The following EPHA6 variants were observed in gnomAD, a reference collection of about 807,000 sequenced individuals.
EPHA6 encodes EPH receptor A6.
EPHA6 carries 50 observed loss-of-function variants against 112.0 expected under a neutral mutation model. That is an observed-to-expected ratio of 0.45 (90% CI 0.36 to 0.56). The LOEUF is 0.56. EPHA6 is among the 20% of genes least tolerant of loss of function. The pLI, the probability that EPHA6 is intolerant of heterozygous loss-of-function variation, is 0.00. For missense variants in EPHA6, 1,280 were observed against 1,417.4 expected (o/e 0.90, Z 1.56); for synonymous variants, 529 against 490.7 (o/e 1.08, Z -1.03).
At chr3:97,587,384 G>GTTC (rs763946873) in intron 11 of EPHA6, among the ~76,000 whole-genome samples, 1 of 151,922 alleles carries the variant, frequency 6.6e-6, no homozygotes, top group Non-Finnish European at 1.5e-5. Flanking sequence ...TCATATATAT[G>GTTC]TTCTGCCTTA....
chr3:97,713,241 A>G (rs2034059460), intron 14 of EPHA6, among the ~76,000 whole-genome samples: 1 of 152,266 alleles, frequency 6.6e-6, no homozygotes, highest in African/African-American at 2.4e-5. Context: ...AGGAAACAAA[A>G]TAAAAATAAC....
chr3:97,413,796 A>G (rs894525462), intron 6 of EPHA6, among the ~76,000 whole-genome samples: 9 of 152,014 alleles, frequency 5.9e-5, no homozygotes, highest in Non-Finnish European at 1.3e-4. Context: ...GAAGGACTAA[A>G]TACCTAAATA....
intron 15 of EPHA6, among the ~76,000 whole-genome samples, chr3:97,722,388 C>T (rs529548408): frequency 3.3e-5 from 5 of 152,150 alleles, no homozygotes; most frequent in Non-Finnish European, 5.9e-5. Flanking sequence ...AGGCCAATCC[C>T]TTTATTGGTC....
chr3:97,530,419 C>A (rs2092682485), intron 10 of EPHA6, among the ~76,000 whole-genome samples: 2 of 151,838 alleles, frequency 1.3e-5, no homozygotes, highest in African/African-American at 2.4e-5. Flanking sequence ...TGATAATCAC[C>A]CCTCAGAGCC....
chr3:97,596,081 A>G (rs2093587928), intron 12 of EPHA6, among the ~76,000 whole-genome samples: 1 of 151,168 alleles, frequency 6.6e-6, no homozygotes, highest in Non-Finnish European at 1.5e-5. Context: ...AATTTTTTGT[A>G]TTTTTAGTAG....
At chr3:97,388,318 T>A (rs985015694) in intron 5 of EPHA6, among the ~76,000 whole-genome samples, 4 of 152,148 alleles carry the variant, frequency 2.6e-5, no homozygotes, top group Admixed American at 6.6e-5. Context: ...CTTTTTTTTT[T>A]AATCTTCTTA....
intron 14 of EPHA6, among the ~76,000 whole-genome samples, chr3:97,648,884 G>A (rs1332507218): frequency 6.6e-6 from 1 of 152,102 alleles, no homozygotes; most frequent in Non-Finnish European, 1.5e-5. Flanking sequence ...TGCTGGTGGA[G>A]CTGACACTGT....
chr3:97,747,521 T>C lies in EPHA6; in HGVS notation c.3227T>C (p.Phe1076Ser). 6.2e-7 allele frequency: 1 copy of C among 1,610,952 alleles called. No individual in the cohort carries two copies. Among genetic ancestry groups the C allele is most frequent in the Non-Finnish European group, 8.5e-7 (1 of 1,178,288 alleles). Residue 1076 changes from phenylalanine (F) to serine (S), a missense_variant, in exon 17 of 18, where the codon TTC becomes TCC. Coordinates refer to ENST00000389672, the MANE Select transcript of EPHA6 (RefSeq NM_001080448.3). ...SIKMGQYKNNFVAAGFTTFDL... is the reference protein window; with the variant it reads ...SIKMGQYKNNSVAAGFTTFDL... Reference sequence around the variant, plus strand: ...AAGATGGGGCAATACAAGAATAACTTCGTGGCAGCAGGGTTTACAACATTT... The same window carrying C: ...AAGATGGGGCAATACAAGAATAACTCCGTGGCAGCAGGGTTTACAACATTT...
At chr3:97,152,502 T>G (rs2076194211) in intron 3 of EPHA6, among the ~76,000 whole-genome samples, 1 of 151,312 alleles carries the variant, frequency 6.6e-6, no homozygotes. Context: ...ATTACAGAAC[T>G]AACACTGAAA....
chr3:97,173,004 T>G (rs374477063), intron 3 of EPHA6, among the ~76,000 whole-genome samples: 1 of 151,880 alleles, frequency 6.6e-6, no homozygotes, highest in African/African-American at 2.4e-5. Context: ...TAGATTTCCA[T>G]GGGATGTGAT....
At chr3:97,410,959 C>T (rs1435117524) in intron 6 of EPHA6, among the ~76,000 whole-genome samples, 1 of 151,812 alleles carries the variant, frequency 6.6e-6, no homozygotes, top group Non-Finnish European at 1.5e-5. Flanking sequence ...TACATGACAT[C>T]AGAACTACAA....
At chr3:97,060,900 G>C (rs1400143151) in intron 3 of EPHA6, among the ~76,000 whole-genome samples, 1 of 138,558 alleles carries the variant, frequency 7.2e-6, no homozygotes, top group African/African-American at 2.8e-5. Context: ...TTCCAGCCTG[G>C]GCGACAGAGC....
intron 6 of EPHA6, among the ~76,000 whole-genome samples, chr3:97,424,805 T>TAAA (rs2088973571): frequency 1.1e-5 from 1 of 93,290 alleles, no homozygotes; most frequent in African/African-American, 4.9e-5. Flanking sequence ...AAACTCTGTC[T>TAAA]CAAAAAAAAA....
chr3:96,987,714 T>C lies in EPHA6; in HGVS notation c.835T>C (p.Tyr279His), dbSNP rs2043073389. 6 of 1,608,804 alleles carry C rather than the reference T, an allele frequency of 3.7e-6. No individual in the cohort carries two copies. Among genetic ancestry groups the C allele is most frequent in the Non-Finnish European group, 5.1e-6 (6 of 1,176,644 alleles). Residue 279 changes from tyrosine to histidine, a missense_variant, in exon 3 of 18, where the codon TAT becomes CAT. Tyr to His is a moderately conservative substitution (Grantham distance 83). Coordinates refer to ENST00000389672, the MANE Select transcript of EPHA6 (RefSeq NM_001080448.3). ...EVGPIERKGFYLAFQDIGACI... is the reference protein window; with the variant it reads ...EVGPIERKGFHLAFQDIGACI... Reference sequence around the variant, plus strand: ...GGGGCCTATAGAAAGGAAAGGATTTTATCTGGCTTTTCAAGACATTGGGGC... The same window carrying C: ...GGGGCCTATAGAAAGGAAAGGATTTCATCTGGCTTTTCAAGACATTGGGGC...
At chr3:97,116,604 T>C (rs1247630682) in intron 3 of EPHA6, among the ~76,000 whole-genome samples, 2 of 151,778 alleles carry the variant, frequency 1.3e-5, no homozygotes, top group African/African-American at 4.8e-5. Flanking sequence ...TGTTTTTCTG[T>C]GCCTACTTAT....
chr3:97,018,530 C>T (rs2044342969), intron 3 of EPHA6, among the ~76,000 whole-genome samples: 1 of 152,160 alleles, frequency 6.6e-6, no homozygotes, highest in African/African-American at 2.4e-5. Flanking sequence ...AGGGCCCTTC[C>T]CTGCCTGGCA....
chr3:97,337,664 GATGCCAT>G (rs1177702822), intron 5 of EPHA6, among the ~76,000 whole-genome samples: 5 of 152,068 alleles, frequency 3.3e-5, no homozygotes, highest in Non-Finnish European at 5.9e-5. Flanking sequence ...AAACTTTAGG[GATGCCAT>G]ATATCTACTA....
chr3:97,606,845 A>C (rs971303712), intron 12 of EPHA6, among the ~76,000 whole-genome samples: 2 of 151,298 alleles, frequency 1.3e-5, no homozygotes, highest in Non-Finnish European at 3.0e-5. Flanking sequence ...AGGTAGAAAT[A>C]GATTAAATAA....
At chr3:96,839,694 A>G (rs2034622062) in intron 1 of EPHA6, among the ~76,000 whole-genome samples, 1 of 152,104 alleles carries the variant, frequency 6.6e-6, no homozygotes, top group South Asian at 2.1e-4. Flanking sequence ...GTTAAAAAAT[A>G]GTTATGATAG....
Sources: gnomAD v4.1 joint callset for allele counts (sites outside exome capture counted in the v4.1 genomes callset) on GRCh38, gnomAD v4.1.1 for gene constraint, MANE v1.5 for transcripts, NCBI Gene and HGNC (gene_info 2026-07-23, HGNC 2026-07-21) for gene names.